Variants in RBMS3 observed in about 807,000 individuals in gnomAD.
RBMS3 encodes the protein RNA binding motif single stranded interacting protein 3.
Under a neutral mutation model 66.8 loss-of-function variants are expected in RBMS3, and 27 were observed. The observed-to-expected ratio is 0.40, with a 90% CI of 0.30 to 0.56. The LOEUF (loss-of-function observed/expected upper bound fraction) is 0.56, where lower values mean the gene tolerates loss of function less well. Ranked by LOEUF, RBMS3 falls within the 20% of genes least tolerant of loss-of-function variation. The pLI is 0.40. For synonymous variants in RBMS3, 188 were observed against 183.0 expected (o/e 1.03, Z -0.22); for missense variants, 513 against 549.5 (o/e 0.93, Z 0.66).
intron 1 of RBMS3, among the ~76,000 whole-genome samples, chr3:29,384,752 GT>G (rs1453747824): frequency 6.6e-6 from 1 of 152,168 alleles, no homozygotes; most frequent in Non-Finnish European, 1.5e-5. Flanking sequence ...CCAATAAGTG[GT>G]TTCCGGCCTT....
intron 1 of RBMS3, among the ~76,000 whole-genome samples, chr3:29,286,917 G>C (rs1203530628): frequency 6.6e-6 from 1 of 151,956 alleles, no homozygotes; most frequent in African/African-American, 2.4e-5. Context: ...TTCAAAATTG[G>C]CTTCAAGTAC....
chr3:29,700,869 T>TGC (rs748459783), intron 4 of RBMS3, among the ~76,000 whole-genome samples: 2,504 of 151,752 alleles, frequency 0.017, 62 homozygotes, highest in African/African-American at 0.053. Context: ...CATGTGTGTG[T>TGC]GTTCGTGTGC....
chr3:29,441,243 G>A (rs993496872), intron 2 of RBMS3, among the ~76,000 whole-genome samples: 5 of 152,164 alleles, frequency 3.3e-5, no homozygotes, highest in African/African-American at 1.2e-4. Context: ...TGATTCAGCA[G>A]AGATTTGACA....
intron 6 of RBMS3, among the ~76,000 whole-genome samples, chr3:29,831,679 A>T (rs745347837): frequency 1.8e-4 from 27 of 152,154 alleles, no homozygotes; most frequent in Admixed American, 2.6e-4. Flanking sequence ...TACCAAAGAA[A>T]AGCAGAAATG....
chr3:29,646,551 A>G (rs2049927649), intron 4 of RBMS3, among the ~76,000 whole-genome samples: 1 of 152,186 alleles, frequency 6.6e-6, no homozygotes, highest in South Asian at 2.1e-4. Context: ...TATGTTACCT[A>G]ATGTCTCTTA....
At chr3:29,773,239 A>G (rs1022663732) in intron 6 of RBMS3, among the ~76,000 whole-genome samples, 7 of 152,038 alleles carry the variant, frequency 4.6e-5, no homozygotes, top group African/African-American at 1.7e-4. Context: ...CTAAAGCTCT[A>G]AATGCCCTAA....
intron 4 of RBMS3, among the ~76,000 whole-genome samples, chr3:29,659,899 C>CCTTCTGT (rs1389883232): frequency 1.8e-4 from 28 of 152,112 alleles, no homozygotes; most frequent in African/African-American, 6.8e-4. Context: ...ACACTTATTA[C>CCTTCTGT]CTTCTGTTTT....
chr3:29,698,380 G>T, intron 4 of RBMS3: 32 of 985,278 alleles, frequency 3.2e-5, no homozygotes, highest in Non-Finnish European at 3.7e-5. Context: ...CTGTAAACCA[G>T]ATTTTTTTTT....
chr3:29,624,850 C>G (rs1228245954), intron 4 of RBMS3, among the ~76,000 whole-genome samples: 1 of 152,090 alleles, frequency 6.6e-6, no homozygotes, highest in Non-Finnish European at 1.5e-5. Context: ...GAATGTATCT[C>G]TTGGTCCCAT....
At chr3:29,307,069 A>T (rs1166117906) in intron 1 of RBMS3, among the ~76,000 whole-genome samples, 2 of 151,922 alleles carry the variant, frequency 1.3e-5, no homozygotes, top group Non-Finnish European at 1.5e-5. Context: ...TGCTTAATTT[A>T]TTGACCTTGT....
chr3:29,661,417 A>G (rs1297725940), intron 4 of RBMS3, among the ~76,000 whole-genome samples: 1 of 152,176 alleles, frequency 6.6e-6, no homozygotes, highest in Non-Finnish European at 1.5e-5. Flanking sequence ...ACGGTAGACA[A>G]TAACTAGCCT....
chr3:29,592,910 A>C (rs965981336), intron 4 of RBMS3, among the ~76,000 whole-genome samples: 1 of 150,394 alleles, frequency 6.6e-6, no homozygotes, highest in African/African-American at 2.5e-5. Flanking sequence ...TCGCAAGGAC[A>C]AAAAACCAAA....
chr3:29,530,104 T>A (rs111258238), intron 3 of RBMS3, among the ~76,000 whole-genome samples: 3 of 152,328 alleles, frequency 2.0e-5, no homozygotes, highest in African/African-American at 7.2e-5. Context: ...GAACTTGTTC[T>A]TACACCTCAA....
chr3:29,685,122 G>T (rs796099356), intron 4 of RBMS3, among the ~76,000 whole-genome samples: 2 of 151,996 alleles, frequency 1.3e-5, no homozygotes, highest in African/African-American at 4.8e-5. Flanking sequence ...GCAGTGGCGC[G>T]ATCTCGGCTC....
chr3:29,446,083 C>T (rs930605374), intron 2 of RBMS3, among the ~76,000 whole-genome samples: 1 of 152,074 alleles, frequency 6.6e-6, no homozygotes, highest in Non-Finnish European at 1.5e-5. Context: ...AAGAAGTCCA[C>T]AATTTAAAAT....
intron 6 of RBMS3, among the ~76,000 whole-genome samples, chr3:29,859,996 A>C (rs531525462): frequency 6.6e-6 from 1 of 152,342 alleles, no homozygotes; most frequent in African/African-American, 2.4e-5. Flanking sequence ...ACCTTTTGCA[A>C]ACATTTCAGA....
At chr3:29,987,197 T>A (rs1212274766) in intron 12 of RBMS3, among the ~76,000 whole-genome samples, 1 of 152,220 alleles carries the variant, frequency 6.6e-6, no homozygotes, top group African/African-American at 2.4e-5. Flanking sequence ...AACTTGTCTT[T>A]ATTTGATGAT....
At chr3:29,963,147 A>T (rs1384222362) in intron 12 of RBMS3, among the ~76,000 whole-genome samples, 1 of 152,028 alleles carries the variant, frequency 6.6e-6, no homozygotes, top group Non-Finnish European at 1.5e-5. Flanking sequence ...CTTAAATTTG[A>T]TTTATCTTTT....
At chr3:29,561,921 A>G (rs989989842) in intron 3 of RBMS3, among the ~76,000 whole-genome samples, 1 of 151,898 alleles carries the variant, frequency 6.6e-6, no homozygotes, top group African/African-American at 2.4e-5. Context: ...TAATGGAGTC[A>G]TTTGTGGTTT....
Sources: gnomAD v4.1 joint callset for allele counts (sites outside exome capture counted in the v4.1 genomes callset) on GRCh38, gnomAD v4.1.1 for gene constraint, MANE v1.5 for transcripts, NCBI Gene and HGNC (gene_info 2026-07-23, HGNC 2026-07-21) for gene names.